The following PTPRB variants were observed in gnomAD, a reference collection of about 807,000 sequenced individuals.
PTPRB encodes the protein protein tyrosine phosphatase receptor type B, also known as receptor-type tyrosine-protein phosphatase beta.
PTPRB carries 97 observed loss-of-function variants against 238.1 expected under a neutral mutation model. That is an observed-to-expected ratio of 0.41 (90% CI 0.35 to 0.48). The LOEUF (loss-of-function observed/expected upper bound fraction) is 0.48, where lower values mean the gene tolerates loss of function less well. PTPRB is among the 20% of genes least tolerant of loss of function. The pLI is 0.30. For missense variants in PTPRB, 2,292 were observed against 2,681.9 expected (o/e 0.85, Z 3.21); for synonymous variants, 970 against 995.4 (o/e 0.97, Z 0.48).
At chr12:70,583,472 G>A (rs1881589078) in intron 9 of PTPRB, among the ~76,000 whole-genome samples, 1 of 152,088 alleles carries the variant, frequency 6.6e-6, no homozygotes, top group African/African-American at 2.4e-5. Flanking sequence ...TGATTTTATA[G>A]CACTGCAGGA....
rs1871456948 is a variant in PTPRB at position 70,519,586 on chromosome 12, C to CTTTTT, written c.*1902_*1903insAAAAA. The CTTTTT allele has an allele frequency of 6.6e-6, 1 of 152,240 alleles. No individual in the cohort carries two copies. Among genetic ancestry groups the CTTTTT allele is most frequent in the Non-Finnish European group, 1.5e-5 (1 of 68,070 alleles). The allele number at this position is 152,240 out of a possible 1,614,324, so 9.4% of individuals were successfully genotyped here. A position where few individuals can be genotyped will look rare whatever the true frequency, so the allele number is the denominator to read the frequency against. The stretch of plus-strand genomic sequence containing the variant: ...TCCTTCCAAGCATTAATGTGCTTTG[C>CTTTTT]ATCAAGCAACATTAGTGTAAAATTC... On this transcript the variant is annotated 3_prime_UTR_variant, in exon 34 of 34. Transcript: ENST00000334414.
intron 27 of PTPRB, chr12:70,538,582 A>C: frequency 2.3e-6 from 1 of 432,862 alleles, no homozygotes; most frequent in South Asian, 3.7e-5. Flanking sequence ...TTTAAGTAGA[A>C]ATTGCTAACC....
At chr12:70,588,901 C>T (rs1463316296) in intron 8 of PTPRB, among the ~76,000 whole-genome samples, 5 of 151,986 alleles carry the variant, frequency 3.3e-5, no homozygotes, top group Admixed American at 6.6e-5. Flanking sequence ...TGCAGCGAGC[C>T]GAGATTGTAC....
At chr12:70,530,172 A>C (rs1872984669) in intron 32 of PTPRB, among the ~76,000 whole-genome samples, 2 of 152,204 alleles carry the variant, frequency 1.3e-5, no homozygotes, top group Admixed American at 1.3e-4. Context: ...ATGAAAACCA[A>C]ATATAGTTTT....
chr12:70,565,053 T>C (rs1319863829), intron 15 of PTPRB, among the ~76,000 whole-genome samples: 1 of 151,768 alleles, frequency 6.6e-6, no homozygotes, highest in African/African-American at 2.4e-5. Flanking sequence ...ACCATGGGAG[T>C]TTTTTTATTC....
intron 4 of PTPRB, among the ~76,000 whole-genome samples, chr12:70,605,112 GTTT>G (rs1313666351): frequency 6.6e-6 from 1 of 152,090 alleles, no homozygotes; most frequent in African/African-American, 2.4e-5. Context: ...GAGAGGTTTT[GTTT>G]TTTATTTTTC....
intron 4 of PTPRB, among the ~76,000 whole-genome samples, chr12:70,603,295 A>G (rs1883673021): frequency 6.6e-6 from 1 of 152,240 alleles, no homozygotes; most frequent in African/African-American, 2.4e-5. Context: ...CCAAAAGTTC[A>G]ACACAATCAG....
intron 4 of PTPRB, among the ~76,000 whole-genome samples, chr12:70,603,069 C>T (rs1286187301): frequency 6.6e-6 from 1 of 151,658 alleles, no homozygotes; most frequent in African/African-American, 2.4e-5. Context: ...TCATTCTGTC[C>T]AGACAAATTA....
intron 9 of PTPRB, among the ~76,000 whole-genome samples, chr12:70,586,212 G>T (rs1881896085): frequency 6.6e-6 from 1 of 152,158 alleles, no homozygotes; most frequent in Admixed American, 6.5e-5. Context: ...AGATCCTTGA[G>T]GATTTGCCAG....
intron 4 of PTPRB, among the ~76,000 whole-genome samples, chr12:70,605,806 A>T (rs574775404): frequency 6.6e-5 from 10 of 152,210 alleles, no homozygotes; most frequent in Non-Finnish European, 1.3e-4. Flanking sequence ...CAACATAGTT[A>T]TTATTTAGAC....
At chr12:70,609,793 A>T (rs115721061) in intron 3 of PTPRB, 1 of 1,587,712 alleles carries the variant, frequency 6.3e-7, no homozygotes, top group East Asian at 2.3e-5. Flanking sequence ...CACAAGGCCA[A>T]CCCGGCTCCA....
chr12:70,542,572 C>T (rs749188386), intron 22 of PTPRB: 3 of 107,882 alleles, frequency 2.8e-5, no homozygotes, highest in African/African-American at 4.2e-5. Context: ...AGCAAGACTC[C>T]GTCTTGAAAA....
intron 3 of PTPRB, among the ~76,000 whole-genome samples, chr12:70,610,698 A>T (rs1289595505): frequency 6.6e-6 from 1 of 152,178 alleles, no homozygotes; most frequent in East Asian, 1.9e-4. Context: ...ATAGGTTTGT[A>T]TCCTCCCTAA....
At chr12:70,539,196 T>C (rs1194672469) in intron 26 of PTPRB, 182 bp from the exon 27 acceptor site, 1 of 610,640 alleles carries the variant, frequency 1.6e-6, no homozygotes. Flanking sequence ...GGTGGTGGTC[T>C]CACTATTTTA....
In PTPRB at chr12:70,539,832, A is replaced by G; in HGVS notation, c.5691T>C (p.Thr1897=). The change falls in exon 25 of 34, where the codon ACT becomes ACC. Residue 1897 remains threonine (T), a synonymous_variant. Coordinates refer to ENST00000334414, the MANE Select transcript of PTPRB (RefSeq NM_001109754.4). ...LNLGQKGNRK[T]SCPIKINQFE... is the part of the protein sequence containing the mutation. ...TAATGTGTTCTCTCTCTTACCAAGA[A>G]GTTTTCCGGTTACTGTGAAGAGAAG... The G allele has an allele frequency of 6.3e-7, 1 of 1,592,444 alleles. No homozygotes were observed. Among genetic ancestry groups the G allele is most frequent in the Non-Finnish European group, 8.6e-7 (1 of 1,160,264 alleles).
At chr12:70,543,364 A>G (rs1247970897) in intron 22 of PTPRB, among the ~76,000 whole-genome samples, 1 of 152,198 alleles carries the variant, frequency 6.6e-6, no homozygotes, top group Non-Finnish European at 1.5e-5. Flanking sequence ...TGTAGTTAAT[A>G]TCCTTTTTTG....
chr12:70,635,483 G>T (rs1014754746), intron 2 of PTPRB, among the ~76,000 whole-genome samples, 188 bp downstream of exon 2: 2 of 152,098 alleles, frequency 1.3e-5, no homozygotes, highest in African/African-American at 4.8e-5. Flanking sequence ...TTTAATGAGG[G>T]TCATGAAGTT....
intron 4 of PTPRB, among the ~76,000 whole-genome samples, chr12:70,605,751 G>A (rs1162215456): frequency 6.6e-6 from 1 of 152,110 alleles, no homozygotes; most frequent in Non-Finnish European, 1.5e-5. Flanking sequence ...TTTAATGCTG[G>A]TGAAATGATC....
Position 70,560,957 on chromosome 12 carries a change from A to C in PTPRB, c.4169-23T>G. The C allele has an allele frequency of 6.2e-7, 1 of 1,603,302 alleles. No individual in the cohort carries two copies. The highest frequency in any genetic ancestry group is 8.5e-7 in the Non-Finnish European group (1 of 1,171,394). On this transcript the variant is annotated intron_variant, in intron 16 of 33. Transcript: ENST00000334414. This position sits in a 1 kb window ranked among gnomAD's most constrained non-coding sequence, Gnocchi z 4.2. ...GGACTTAAACAGAAGAAAAATTGTT[A>C]CTGAGAACAAAACAGAAACACAGGC... is the stretch of plus-strand genomic sequence containing the variant.
Sources: allele counts gnomAD v4.1 joint callset (sites outside exome capture counted in the v4.1 genomes callset), GRCh38; gene constraint gnomAD v4.1.1; non-coding constraint Gnocchi (gnomAD v3.1); transcripts MANE v1.5; gene names NCBI Gene and HGNC (gene_info 2026-07-23, HGNC 2026-07-21).